The following NARS2 variants were observed in gnomAD, a reference collection of about 807,000 sequenced individuals.
The protein encoded by NARS2 is asparaginyl-tRNA synthetase 2, mitochondrial.
A neutral mutation model predicts 62.9 loss-of-function variants in NARS2; 60 were observed. That is an observed-to-expected ratio of 0.95 (90% CI 0.77 to 1.18). The LOEUF is 1.18. Ranked by LOEUF, NARS2 falls within the 50% of genes most tolerant of loss-of-function variation. The probability of loss-of-function intolerance (pLI) is 0.00; values close to 1 mark genes in which losing one functional copy is unlikely to be tolerated. For synonymous variants in NARS2, 196 were observed against 200.0 expected (o/e 0.98, Z 0.17); for missense variants, 619 against 576.4 (o/e 1.07, Z -0.76).
At position 78,568,644 on chromosome 11, in the gene NARS2, A is replaced by G; in HGVS notation, c.360T>C (p.Asn120=). Residue 120 remains asparagine, a synonymous_variant, in exon 3 of 14, where the codon AAT becomes AAC. Transcript: ENST00000281038. ...LKAEKIKVIG[N]CDAKDFPIKY... The stretch of plus-strand genomic sequence containing the variant: ...TCAGAAATCATACCTTGGCATCACA[A>G]TTTCCAATAACTTTAATTTTTTCTG... 1 of 1,611,914 alleles carries G rather than the reference A, an allele frequency of 6.2e-7. No individual in the cohort carries two copies. The highest frequency in any genetic ancestry group is 1.1e-5 in the South Asian group (1 of 90,730).
At chr11:78,555,572 C>T (rs1403188845) in intron 5 of NARS2, among the ~76,000 whole-genome samples, 1 of 152,020 alleles carries the variant, frequency 6.6e-6, no homozygotes, top group East Asian at 1.9e-4. Context: ...TTTATTTGAT[C>T]TTCTCTCTTC....
chr11:78,534,104 T>C (rs1205542863), intron 5 of NARS2, among the ~76,000 whole-genome samples: 2 of 152,238 alleles, frequency 1.3e-5, no homozygotes, highest in African/African-American at 4.8e-5. Flanking sequence ...TGAATAAAGC[T>C]GCTTTGTAAA....
chr11:78,438,631 A>G (rs1857483690), intron 13 of NARS2, among the ~76,000 whole-genome samples: 1 of 152,214 alleles, frequency 6.6e-6, no homozygotes, highest in Non-Finnish European at 1.5e-5. Flanking sequence ...CATTTCTAAG[A>G]AAAAAATTTT....
At chr11:78,572,797 G>T (rs968259251) in intron 1 of NARS2, among the ~76,000 whole-genome samples, 1 of 151,992 alleles carries the variant, frequency 6.6e-6, no homozygotes, top group African/African-American at 2.4e-5. Context: ...AACCTATTAT[G>T]CCCCAAATAT....
At chr11:78,531,569 T>C (rs10793322) in intron 5 of NARS2, among the ~76,000 whole-genome samples, 113,315 of 151,958 alleles carry the variant, frequency 0.75, 42,715 homozygotes, top group Non-Finnish European at 0.82. Context: ...CTGTTCAAAA[T>C]AGCACCATTC....
intron 6 of NARS2, among the ~76,000 whole-genome samples, chr11:78,497,577 A>C (rs1860114776): frequency 1.3e-5 from 2 of 152,212 alleles, no homozygotes. Context: ...AAAACTATTA[A>C]ACTGGATTTT....
At chr11:78,474,721 A>G (rs967468098) in intron 9 of NARS2, among the ~76,000 whole-genome samples, 1 of 152,214 alleles carries the variant, frequency 6.6e-6, no homozygotes, top group African/African-American at 2.4e-5. Flanking sequence ...CAATTTAAAC[A>G]TAGCCTCTGA....
At chr11:78,573,850 AT>A (rs1255464506) in intron 1 of NARS2, among the ~76,000 whole-genome samples, 1 of 152,224 alleles carries the variant, frequency 6.6e-6, no homozygotes, top group Non-Finnish European at 1.5e-5. Flanking sequence ...AAACTGCTAC[AT>A]TCCAGTCTTT....
intron 7 of NARS2, among the ~76,000 whole-genome samples, chr11:78,492,143 A>T (rs1052398187): frequency 6.6e-6 from 1 of 150,990 alleles, no homozygotes; most frequent in African/African-American, 2.4e-5. Context: ...ACATATATAG[A>T]TTTTATCTAC....
At chr11:78,497,301 A>G (rs1860102854) in intron 6 of NARS2, among the ~76,000 whole-genome samples, 2 of 147,010 alleles carry the variant, frequency 1.4e-5, no homozygotes, top group Non-Finnish European at 3.0e-5. Context: ...ATGGAGTTTT[A>G]TGAAGCCCTC....
At chr11:78,537,957 CTGGAAATATTAAA>C (rs1244866815) in intron 5 of NARS2, among the ~76,000 whole-genome samples, 1 of 152,204 alleles carries the variant, frequency 6.6e-6, no homozygotes, top group East Asian at 1.9e-4. Flanking sequence ...CAACTGCAGT[CTGGAAATATTAAA>C]TGGAAAATTC....
Position 78,570,168 on chromosome 11 carries a change from C to A in NARS2, c.251+1167G>T, listed in dbSNP as rs116897879. 2.7e-3 allele frequency among the ~76,000 whole-genome samples: 407 copies of A among 151,972 alleles called. 3 individuals carry two copies. Among genetic ancestry groups the A allele is most frequent in the Admixed American group, 4.1e-3 (63 of 15,264 alleles). Reference sequence around the variant, plus strand: ...TCATGCCACTACATTCCAGCCTGAGCGACAGAGTCAGACTCTCTCCAGGAA... The same window carrying A: ...TCATGCCACTACATTCCAGCCTGAGAGACAGAGTCAGACTCTCTCCAGGAA... On this transcript the variant is annotated intron_variant, in intron 2 of 13. Transcript: ENST00000281038.
At chr11:78,461,602 TAAAAAAAAA>T (rs59664343) in intron 11 of NARS2, among the ~76,000 whole-genome samples, 2,018 of 64,068 alleles carry the variant, frequency 0.031, 76 homozygotes, top group African/African-American at 0.12. Context: ...GCTGTGCTGG[TAAAAAAAAA>T]AAAAAAAAAA....
chr11:78,442,084 T>C (rs1857593153), intron 12 of NARS2, among the ~76,000 whole-genome samples: 1 of 152,194 alleles, frequency 6.6e-6, no homozygotes, highest in African/African-American at 2.4e-5. Context: ...GAAAGACAGA[T>C]GTGGCTATTA....
intron 5 of NARS2, among the ~76,000 whole-genome samples, chr11:78,556,953 G>A (rs944384999): frequency 3.3e-5 from 5 of 152,194 alleles, no homozygotes; most frequent in Non-Finnish European, 7.3e-5. Flanking sequence ...GGCTTGACAG[G>A]ATAGAACCTC....
intron 4 of NARS2, among the ~76,000 whole-genome samples, chr11:78,560,841 A>G (rs1856532925): frequency 6.6e-6 from 1 of 152,230 alleles, no homozygotes; most frequent in South Asian, 2.1e-4. Context: ...GATCAATAAC[A>G]TTACTGCATA....
chr11:78,510,235 A>T (rs1284559606), intron 6 of NARS2, among the ~76,000 whole-genome samples: 1 of 152,168 alleles, frequency 6.6e-6, no homozygotes, highest in Non-Finnish European at 1.5e-5. Flanking sequence ...TCTATAAAAG[A>T]TTCACTTTAG....
chr11:78,483,339 T>G (rs1238255085), intron 7 of NARS2, among the ~76,000 whole-genome samples: 1 of 152,192 alleles, frequency 6.6e-6, no homozygotes, highest in Non-Finnish European at 1.5e-5. Flanking sequence ...AAGACAAGGA[T>G]GCCCTCTCTC....
intron 4 of NARS2, among the ~76,000 whole-genome samples, chr11:78,563,364 C>T (rs1018660410): frequency 4.0e-5 from 6 of 151,394 alleles, no homozygotes; most frequent in African/African-American, 1.5e-4. Flanking sequence ...ACTACAGGCA[C>T]GCAACACCAC....
Sources: allele counts gnomAD v4.1 joint callset (sites outside exome capture counted in the v4.1 genomes callset), GRCh38; gene constraint gnomAD v4.1.1; transcripts MANE v1.5; gene names NCBI Gene and HGNC (gene_info 2026-07-23, HGNC 2026-07-21).